NCKAP1: variants seen among roughly 807,000 people sequenced by gnomAD.
NCKAP1 encodes nck-associated protein 1.
Under a neutral mutation model 151.2 loss-of-function variants are expected in NCKAP1, and 21 were observed. The observed-to-expected ratio is 0.14, with a 90% CI of 0.10 to 0.20. NCKAP1 has a LOEUF of 0.20. Ranked by LOEUF, NCKAP1 falls within the 10% of genes least tolerant of loss-of-function variation. The probability of loss-of-function intolerance (pLI) is 1.00; values close to 1 mark genes in which losing one functional copy is unlikely to be tolerated. For synonymous variants in NCKAP1, 484 were observed against 451.8 expected (o/e 1.07, Z -0.90); for missense variants, 933 against 1,352.1 (o/e 0.69, Z 4.86).
intron 2 of NCKAP1, among the ~76,000 whole-genome samples, chr2:183,008,916 A>G (rs1698533506): frequency 6.6e-6 from 1 of 152,206 alleles, no homozygotes; most frequent in Admixed American, 6.5e-5. Flanking sequence ...ATTACCTAAA[A>G]ATTCTAATTA....
At chr2:183,017,288 T>C (rs1698711176) in intron 2 of NCKAP1, among the ~76,000 whole-genome samples, 1 of 152,114 alleles carries the variant, frequency 6.6e-6, no homozygotes, top group South Asian at 2.1e-4. Context: ...TATTATTACA[T>C]TATAATATGT....
intron 19 of NCKAP1, chr2:182,956,806 T>C (rs187710778): frequency 2.0e-5 from 9 of 456,236 alleles, no homozygotes; most frequent in African/African-American, 6.1e-5. Context: ...TACCTTTAGG[T>C]AGTAATGAAT....
At chr2:182,966,811 T>C (rs1305201879) in intron 16 of NCKAP1, among the ~76,000 whole-genome samples, 4 of 152,222 alleles carry the variant, frequency 2.6e-5, no homozygotes, top group Admixed American at 6.5e-5. Flanking sequence ...CATCTTCATA[T>C]TAATGTTTAA....
At chr2:183,012,333 T>C (rs1305309736) in intron 2 of NCKAP1, among the ~76,000 whole-genome samples, 1 of 152,182 alleles carries the variant, frequency 6.6e-6, no homozygotes, top group Non-Finnish European at 1.5e-5. Context: ...CCATGAATGA[T>C]TTTTGGTACA....
chr2:182,978,623 T>A (rs1291559349), intron 14 of NCKAP1, among the ~76,000 whole-genome samples: 1 of 152,162 alleles, frequency 6.6e-6, no homozygotes, highest in Non-Finnish European at 1.5e-5. Context: ...AATGCTTTTT[T>A]TCCTGCTTAA....
At chr2:183,013,994 C>T (rs1433384209) in intron 2 of NCKAP1, among the ~76,000 whole-genome samples, 1 of 152,128 alleles carries the variant, frequency 6.6e-6, no homozygotes, top group Non-Finnish European at 1.5e-5. Flanking sequence ...TTCCTGGTCA[C>T]CCTAAGTAAA....
At chr2:183,037,567 G>A (rs1272170889) in intron 1 of NCKAP1, among the ~76,000 whole-genome samples, 1 of 152,176 alleles carries the variant, frequency 6.6e-6, no homozygotes, top group Non-Finnish European at 1.5e-5. Context: ...TGTAATCCCT[G>A]TTCACTGCTG....
intron 2 of NCKAP1, among the ~76,000 whole-genome samples, chr2:183,015,059 C>T (rs1698658022): frequency 6.6e-6 from 1 of 152,150 alleles, no homozygotes; most frequent in Admixed American, 6.5e-5. Context: ...TATGGAACCC[C>T]AGTGTAATGC....
chr2:182,992,870 T>C (rs1474025234), intron 8 of NCKAP1, among the ~76,000 whole-genome samples: 1 of 152,196 alleles, frequency 6.6e-6, no homozygotes, highest in Non-Finnish European at 1.5e-5. Context: ...TCTGTTAGAC[T>C]GAATCTAGTA....
chr2:182,968,666 C>G (rs1377997678), intron 15 of NCKAP1, among the ~76,000 whole-genome samples: 1 of 152,202 alleles, frequency 6.6e-6, no homozygotes, highest in African/African-American at 2.4e-5. Flanking sequence ...CTGTACCACA[C>G]CTGCAGAGCT....
chr2:183,030,524 C>T (rs937202167), intron 1 of NCKAP1, among the ~76,000 whole-genome samples: 1 of 152,070 alleles, frequency 6.6e-6, no homozygotes, highest in Non-Finnish European at 1.5e-5. Context: ...GAATGCTATT[C>T]GTGAGGGCAC....
chr2:182,986,017 T>C (rs1480783300), intron 10 of NCKAP1, among the ~76,000 whole-genome samples, 154 bp downstream of exon 10: 1 of 152,148 alleles, frequency 6.6e-6, no homozygotes, highest in Non-Finnish European at 1.5e-5. Context: ...GTTCTACATA[T>C]TGAGGCAATA....
chr2:182,967,372 C>CAA lies in NCKAP1; in HGVS notation c.1483-13_1483-12dup, dbSNP rs367677358. The CAA allele has an allele frequency of 1.2e-3, 1,552 of 1,319,182 alleles. No individual in the cohort carries two copies. The highest frequency in any genetic ancestry group is 1.4e-3 in the Non-Finnish European group (1,367 of 980,136). 81.7% of individuals were successfully genotyped at this position (1,319,182 alleles called of 1,614,324 possible). ...GACACTAGTATATGCCTATAAAGTA[C>CAA]AAAAAAAAAAAAGTAGTTCAGGTAA... On this transcript the variant is annotated splice_polypyrimidine_tract_variant and intron_variant, in intron 15 of 30. Transcript: ENST00000361354.
At position 182,911,058 on chromosome 2, in the gene NCKAP1, C is replaced by T; in HGVS notation, c.*14644G>A. On this transcript the variant is annotated 3_prime_UTR_variant, in exon 31 of 31. Coordinates refer to ENST00000361354, the MANE Select transcript of NCKAP1 (RefSeq NM_013436.5). ...ATGGGATGGGAGGTTGGGCACATCTCATTATACCCCCTCCTCACTAACTAC... is the reference window on the plus strand; with the variant it reads ...ATGGGATGGGAGGTTGGGCACATCTTATTATACCCCCTCCTCACTAACTAC... 1 of 150,940 alleles carries T rather than the reference C, an allele frequency of 6.6e-6. No homozygotes were observed. The highest frequency in any genetic ancestry group is 1.5e-5 in the Non-Finnish European group (1 of 67,862). The allele number at this position is 150,940 out of a possible 1,614,324, so 9.4% of individuals were successfully genotyped here.
At chr2:182,986,111 A>G in intron 10 of NCKAP1, 60 bp downstream of exon 10, 3 of 1,499,958 alleles carry the variant, frequency 2.0e-6, no homozygotes, top group Non-Finnish European at 1.9e-6. Flanking sequence ...ACTTCAACAA[A>G]ATGATGCTTT....
intron 12 of NCKAP1, among the ~76,000 whole-genome samples, chr2:182,982,413 G>C (rs1697959215): frequency 6.6e-6 from 1 of 151,936 alleles, no homozygotes; most frequent in African/African-American, 2.4e-5. Flanking sequence ...CAGTGATTTG[G>C]ATGTACTATC....
chr2:182,986,399 C>T (rs949663691), intron 9 of NCKAP1, among the ~76,000 whole-genome samples, 172 bp from the exon 10 acceptor site: 1 of 151,640 alleles, frequency 6.6e-6, no homozygotes, highest in Non-Finnish European at 1.5e-5. Context: ...ACTTAGATGT[C>T]CAGTCAAGCC....
chr2:183,002,095 A>G (rs1371482779), intron 5 of NCKAP1, 32 bp downstream of exon 5: 2 of 1,612,518 alleles, frequency 1.2e-6, no homozygotes, highest in South Asian at 2.2e-5. Flanking sequence ...CAAACTGAGC[A>G]TTTTAGAAAG....
chr2:182,951,287 C>T (rs945459922), intron 23 of NCKAP1, among the ~76,000 whole-genome samples: 1 of 152,126 alleles, frequency 6.6e-6, no homozygotes, highest in Non-Finnish European at 1.5e-5. Context: ...GCTCAATTTT[C>T]AGTAAATCAG....
Sources: allele counts gnomAD v4.1 joint callset (sites outside exome capture counted in the v4.1 genomes callset), GRCh38; gene constraint gnomAD v4.1.1; transcripts MANE v1.5; gene names NCBI Gene and HGNC (gene_info 2026-07-23, HGNC 2026-07-21).